Variants in SMAD3 observed in about 807,000 individuals in gnomAD.
SMAD3 encodes SMAD family member 3.
In SMAD3, 12 loss-of-function variants were observed where a neutral mutation model predicts 51.8. That is an observed-to-expected ratio of 0.23 (90% confidence interval 0.15 to 0.38). The LOEUF is 0.38. SMAD3 is among the 10% of genes least tolerant of loss of function. SMAD3 has a pLI of 1.00. For synonymous variants in SMAD3, 238 were observed against 227.7 expected (o/e 1.05, Z -0.41); for missense variants, 294 against 565.6 (o/e 0.52, Z 4.87).
chr15:67,076,624 G>A (rs1014326546), intron 1 of SMAD3, among the ~76,000 whole-genome samples: 1 of 152,204 alleles, frequency 6.6e-6, no homozygotes, highest in African/African-American at 2.4e-5. Context: ...GGGAGCTCAC[G>A]CTTCAAGAGT....
chr15:67,179,742 C>T (rs1963001702), intron 5 of SMAD3, among the ~76,000 whole-genome samples: 3 of 152,138 alleles, frequency 2.0e-5, no homozygotes, highest in African/African-American at 7.2e-5. Context: ...GAGCAGGGAT[C>T]CTCCCAGTGG....
intron 1 of SMAD3, among the ~76,000 whole-genome samples, chr15:67,123,629 AC>A (rs1434640070): frequency 6.6e-6 from 1 of 152,276 alleles, no homozygotes; most frequent in Non-Finnish European, 1.5e-5. Flanking sequence ...TTCTAATTTT[AC>A]AGTATAGAAT....
chr15:67,068,729 C>T (rs962209813), intron 1 of SMAD3, among the ~76,000 whole-genome samples: 1 of 152,132 alleles, frequency 6.6e-6, no homozygotes, highest in Middle Eastern at 3.4e-3. Context: ...TTTGTGCCCA[C>T]GCCTCTGGGT....
intron 1 of SMAD3, among the ~76,000 whole-genome samples, chr15:67,087,450 T>C (rs950455016): frequency 6.6e-6 from 1 of 152,168 alleles, no homozygotes; most frequent in Non-Finnish European, 1.5e-5. Flanking sequence ...TAAGATACCG[T>C]GTAATAGGAT....
At chr15:67,182,992 A>AT (rs1567000499) in intron 6 of SMAD3, among the ~76,000 whole-genome samples, 5 of 50,640 alleles carry the variant, frequency 9.9e-5, no homozygotes, top group African/African-American at 4.5e-4. Flanking sequence ...TTATTAAAAA[A>AT]AAAAAAAAAT....
chr15:67,145,094 T>A (rs1199531628), intron 1 of SMAD3, among the ~76,000 whole-genome samples: 1 of 152,218 alleles, frequency 6.6e-6, no homozygotes, highest in Non-Finnish European at 1.5e-5. Context: ...ATATCCATTG[T>A]TCAGTCACGT....
chr15:67,143,851 C>A (rs955177056), intron 1 of SMAD3, among the ~76,000 whole-genome samples: 1 of 152,084 alleles, frequency 6.6e-6, no homozygotes, highest in Non-Finnish European at 1.5e-5. Context: ...TGATCTGCAA[C>A]CTCCGCCTCC....
intron 1 of SMAD3, among the ~76,000 whole-genome samples, chr15:67,158,362 A>G (rs1962339112): frequency 6.6e-6 from 1 of 152,256 alleles, no homozygotes; most frequent in African/African-American, 2.4e-5. Context: ...TGGGCAGCCC[A>G]GACTCCGAAC....
At chr15:67,151,632 A>G (rs931712142) in intron 1 of SMAD3, among the ~76,000 whole-genome samples, 1 of 152,118 alleles carries the variant, frequency 6.6e-6, no homozygotes, top group Non-Finnish European at 1.5e-5. Flanking sequence ...CACCCAGGCT[A>G]TTTTCCCTTT....
chr15:67,105,663 G>A (rs1258358808), intron 1 of SMAD3, among the ~76,000 whole-genome samples: 1 of 152,206 alleles, frequency 6.6e-6, no homozygotes, highest in Non-Finnish European at 1.5e-5. Context: ...CCAGAAAAGG[G>A]AAAGCCTTTC....
intron 1 of SMAD3, among the ~76,000 whole-genome samples, chr15:67,112,236 G>A (rs1358571266): frequency 2.3e-5 from 3 of 131,482 alleles, no homozygotes; most frequent in Non-Finnish European, 3.1e-5. Flanking sequence ...TGCAACCTCC[G>A]CCACCTAGGT....
chr15:67,119,230 C>G (rs1205500763), intron 1 of SMAD3, among the ~76,000 whole-genome samples: 1 of 152,168 alleles, frequency 6.6e-6, no homozygotes, highest in Non-Finnish European at 1.5e-5. Flanking sequence ...AGGAAAGGAG[C>G]AGCAGTGCTA....
At chr15:67,164,780 G>C (rs904295776) in intron 1 of SMAD3, 115 bp from the exon 2 acceptor site, 1 of 1,094,416 alleles carries the variant, frequency 9.1e-7, no homozygotes, top group African/African-American at 1.5e-5. Flanking sequence ...TCTGGATCTG[G>C]GAGAAATGAG....
intron 5 of SMAD3, among the ~76,000 whole-genome samples, chr15:67,173,360 G>A (rs1962804101): frequency 6.6e-6 from 1 of 152,164 alleles, no homozygotes; most frequent in Non-Finnish European, 1.5e-5. Flanking sequence ...ATGCCAAGGA[G>A]GAAAGTGTGG....
Position 67,130,721 on chromosome 15 carries a change from C to T in SMAD3, c.207-34174C>T, listed in dbSNP as rs556029747. On this transcript the variant is annotated intron_variant, in intron 1 of 8. Transcript: ENST00000327367. ...CAGGGGACAGGAAGGACACCATGGG[C>T]TGGTGGCCTGTTCAGTAACAGCTTC... 1.4e-4 allele frequency among the ~76,000 whole-genome samples: 22 copies of T among 152,346 alleles called. No homozygotes were observed. In the South Asian group the frequency reaches 4.3e-3, roughly 30 times the overall value.
chr15:67,134,976 G>A (rs1457521683), intron 1 of SMAD3, among the ~76,000 whole-genome samples: 1 of 152,172 alleles, frequency 6.6e-6, no homozygotes, highest in African/African-American at 2.4e-5. Context: ...CTGCCCTTCA[G>A]CCCCCAGGGT....
At chr15:67,080,718 C>T (rs1960262826) in intron 1 of SMAD3, among the ~76,000 whole-genome samples, 1 of 152,230 alleles carries the variant, frequency 6.6e-6, no homozygotes, top group South Asian at 2.1e-4. Flanking sequence ...CCTTTTCTTT[C>T]TCTTTGATTG....
intron 1 of SMAD3, chr15:67,098,535 G>C (rs548234049): frequency 3.6e-5 from 12 of 328,844 alleles, no homozygotes; most frequent in African/African-American, 6.0e-5. Flanking sequence ...TACTGCCCCT[G>C]CCTCCTCAGC....
In SMAD3 at chr15:67,187,372, C is replaced by G; in HGVS notation, c.1017C>G (p.Asn339Lys). 1 of 1,614,166 alleles carries G rather than the reference C, an allele frequency of 6.2e-7. No individual in the cohort carries two copies. Among genetic ancestry groups the G allele is most frequent in the Non-Finnish European group, 8.5e-7 (1 of 1,180,042 alleles). Reference sequence around the variant, plus strand: ...TTTCTGTGTTTTTGGCAGGATGCAACCTGAAGATCTTCAACAACCAGGAGT... The same window carrying G: ...TTTCTGTGTTTTTGGCAGGATGCAAGCTGAAGATCTTCAACAACCAGGAGT... ...ATVCKIPPGC[N>K]LKIFNNQEFA... is the part of the protein sequence containing the mutation. Residue 339 changes from asparagine (N) to lysine (K), a missense_variant, in exon 8 of 9, where the codon AAC (asparagine) becomes AAG (lysine). Around this residue, in one of 3 missense-constraint regions of SMAD3, gnomAD observed 118 missense variants for 278.0 expected, o/e 0.42. Transcript: ENST00000327367.
Sources: gnomAD v4.1 joint callset for allele counts (sites outside exome capture counted in the v4.1 genomes callset) on GRCh38, gnomAD v4.1.1 for gene constraint, gnomAD v4.1.1 regional missense constraint, MANE v1.5 for transcripts, NCBI Gene and HGNC (gene_info 2026-07-23, HGNC 2026-07-21) for gene names.